RGS6: variants seen among roughly 807,000 people sequenced by gnomAD.
RGS6 encodes regulator of G protein signaling 6, also known as regulator of G-protein signaling 6.
In RGS6, 30 loss-of-function variants were observed where a neutral mutation model predicts 78.5. The observed-to-expected ratio is 0.38, with a 90% CI of 0.29 to 0.52. RGS6 has a LOEUF of 0.52. RGS6 is among the 20% of genes least tolerant of loss of function. The pLI is 0.85. For missense variants in RGS6, 495 were observed against 609.7 expected (o/e 0.81, Z 1.98); for synonymous variants, 206 against 206.0 (o/e 1.00, Z 0.00).
intron 3 of RGS6, among the ~76,000 whole-genome samples, chr14:72,425,232 G>T (rs1363601374): frequency 1.3e-5 from 2 of 152,026 alleles, no homozygotes; most frequent in South Asian, 4.1e-4. Context: ...TCCACCTCCC[G>T]AGTTCAGGCA....
At position 72,336,273 on chromosome 14, in the gene RGS6, A is replaced by T. The variant is rs550078728; in HGVS notation, c.85-15822A>T. On this transcript the variant is annotated intron_variant, in intron 2 of 17. Coordinates refer to ENST00000553525, the MANE Select transcript of RGS6 (RefSeq NM_001204424.2). Reference sequence around the variant, plus strand: ...GACTACTCTAATCATGCCACTTCTCACTCCTGATTCTAGAAAACAGTGTCT... The same window carrying T: ...GACTACTCTAATCATGCCACTTCTCTCTCCTGATTCTAGAAAACAGTGTCT... Among the ~76,000 whole-genome samples the T allele has an allele frequency of 1.1e-4, 16 of 152,228 alleles. No individual in the cohort carries two copies. The East Asian group carries it at 3.1e-3, about 29-fold the overall frequency.
chr14:72,466,464 C>A (rs1017992734), intron 7 of RGS6, among the ~76,000 whole-genome samples: 1 of 152,170 alleles, frequency 6.6e-6, no homozygotes, highest in African/African-American at 2.4e-5. Flanking sequence ...CTGTGATAAC[C>A]AAAAGCTGAA....
intron 3 of RGS6, among the ~76,000 whole-genome samples, chr14:72,407,949 C>G (rs1281573811): frequency 6.6e-6 from 1 of 152,196 alleles, no homozygotes; most frequent in Non-Finnish European, 1.5e-5. Context: ...ACTATGAAAC[C>G]TCCAGGCTTA....
At chr14:71,900,121 T>C in the RGS6 span, among the ~76,000 whole-genome samples, 1 of 152,180 alleles carries the variant, frequency 6.6e-6, no homozygotes, top group Admixed American at 6.5e-5. Context: ...CACATTCCAT[T>C]TGGGAAAAGG....
At chr14:72,193,181 G>A (rs2283410) in intron 2 of RGS6, among the ~76,000 whole-genome samples, 28,995 of 151,790 alleles carry the variant, frequency 0.19, 2,937 homozygotes, top group African/African-American at 0.26. Flanking sequence ...TTTAGTAGAG[G>A]TGGGGTTTCG....
intron 2 of RGS6, among the ~76,000 whole-genome samples, chr14:72,180,980 G>A (rs570223265): frequency 1.3e-5 from 2 of 152,296 alleles, no homozygotes; most frequent in Admixed American, 1.3e-4. Context: ...CACAGACTAA[G>A]ACAGTGTAAG....
chr14:72,303,859 T>C (rs919854967), intron 2 of RGS6, among the ~76,000 whole-genome samples: 10 of 152,208 alleles, frequency 6.6e-5, no homozygotes, highest in African/African-American at 2.4e-4. Flanking sequence ...TATTAAGATA[T>C]CATTTCTCTA....
chr14:71,923,372 G>T, the RGS6 span, among the ~76,000 whole-genome samples: 1 of 151,952 alleles, frequency 6.6e-6, no homozygotes. Context: ...GCCTTCTAGG[G>T]GTAGGGCATG....
chr14:72,185,221 C>T (rs1455027410), intron 2 of RGS6, among the ~76,000 whole-genome samples: 1 of 152,028 alleles, frequency 6.6e-6, no homozygotes, highest in African/African-American at 2.4e-5. Context: ...TAGATGGTGC[C>T]CACCCAGATT....
the RGS6 span, among the ~76,000 whole-genome samples, chr14:71,923,835 G>A: frequency 2.0e-5 from 3 of 152,090 alleles, no homozygotes; most frequent in Admixed American, 6.5e-5. Context: ...TTGTAGGGGG[G>A]TGGGGCATTA....
chr14:72,433,789 G>A (rs1201413673), intron 3 of RGS6, among the ~76,000 whole-genome samples: 1 of 152,174 alleles, frequency 6.6e-6, no homozygotes, highest in Non-Finnish European at 1.5e-5. Flanking sequence ...CCTTGGGCAA[G>A]TCACCTAACC....
chr14:71,921,380 A>G, the RGS6 span, among the ~76,000 whole-genome samples: 1 of 152,374 alleles, frequency 6.6e-6, no homozygotes, highest in African/African-American at 2.4e-5. Flanking sequence ...TATATAACCA[A>G]AGGAAATGGA....
intron 3 of RGS6, among the ~76,000 whole-genome samples, chr14:72,364,829 A>G (rs1017677269): frequency 2.7e-4 from 41 of 152,352 alleles, no homozygotes; most frequent in African/African-American, 9.6e-4. Context: ...CTTTCCAAAG[A>G]TGATATTGAT....
At chr14:72,491,310 C>T (rs976437893) in intron 12 of RGS6, among the ~76,000 whole-genome samples, 23 of 150,402 alleles carry the variant, frequency 1.5e-4, no homozygotes, top group African/African-American at 5.2e-4. Context: ...GTGTGAACAA[C>T]GGTGTTCTAC....
In RGS6 at chr14:72,547,586, G is replaced by C. The variant is rs148381808; in HGVS notation, c.1422+7492G>C. Among the ~76,000 whole-genome samples, 8 of 152,322 alleles carry C rather than the reference G, an allele frequency of 5.3e-5. No homozygotes were observed. The South Asian group carries it at 1.5e-3, about 28-fold the overall frequency. Reference sequence around the variant, plus strand: ...CAGTGTGGCTAAATGGGACACTGCCGGGGGTGGGACTCAGAGCAGTGGGAT... The same window carrying C: ...CAGTGTGGCTAAATGGGACACTGCCCGGGGTGGGACTCAGAGCAGTGGGAT... On this transcript the variant is annotated intron_variant, in intron 17 of 17. Transcript: ENST00000553525.
chr14:72,619,229 C>T, the RGS6 span: 11 of 1,464,104 alleles, frequency 7.5e-6, no homozygotes, highest in Non-Finnish European at 1.0e-5. Flanking sequence ...GAGGAGGGCG[C>T]GTTCTGGTTT....
At chr14:72,512,431 T>A (rs2096889668) in intron 14 of RGS6, among the ~76,000 whole-genome samples, 1 of 152,122 alleles carries the variant, frequency 6.6e-6, no homozygotes, top group African/African-American at 2.4e-5. Context: ...CCCTGGCAGG[T>A]GTTCAGTGCT....
intron 2 of RGS6, among the ~76,000 whole-genome samples, chr14:72,108,388 A>G (rs189256047): frequency 1.4e-3 from 219 of 152,100 alleles, no homozygotes; most frequent in African/African-American, 5.1e-3. Context: ...TTTTACTAGC[A>G]TATGTCTTGA....
rs142091431 is a variant in RGS6 at position 72,048,631 on chromosome 14, G to A, written c.84+83756G>A. Among the ~76,000 whole-genome samples, 630 of 152,132 alleles carry A rather than the reference G, an allele frequency of 4.1e-3. 4 individuals are homozygous for A. Among genetic ancestry groups the A allele is most frequent in the African/African-American group, 0.014 (576 of 41,506 alleles). On this transcript the variant is annotated intron_variant, in intron 2 of 17. Coordinates refer to ENST00000553525, the MANE Select transcript of RGS6 (RefSeq NM_001204424.2). ...TTCTTAAAGGCTTTGGGAGATACTA[G>A]GTTAGCTTTCTTACAATATAGGCTG...
Sources: allele counts gnomAD v4.1 joint callset (sites outside exome capture counted in the v4.1 genomes callset), GRCh38; gene constraint gnomAD v4.1.1; transcripts MANE v1.5; gene names NCBI Gene and HGNC (gene_info 2026-07-23, HGNC 2026-07-21).